NOP58: variants seen among roughly 807,000 people sequenced by gnomAD.
NOP58 encodes NOP58 ribonucleoprotein, also known as nucleolar protein 58.
NOP58 carries 44 observed loss-of-function variants against 71.2 expected under a neutral mutation model. The observed-to-expected ratio is 0.62, with a 90% CI of 0.49 to 0.79. The LOEUF (loss-of-function observed/expected upper bound fraction) is 0.79, where lower values mean the gene tolerates loss of function less well. NOP58 is among the 30% of genes least tolerant of loss of function. NOP58 has a pLI of 0.00. For synonymous variants in NOP58, 228 were observed against 200.3 expected, an observed-to-expected ratio of 1.14 and a Z score of -1.17; for missense variants, 538 against 620.2, an observed-to-expected ratio of 0.87 and a Z score of 1.41.
At chr2:202,292,743 G>T in intron 8 of NOP58, 34 bp from the exon 9 acceptor site, 1 of 1,566,344 alleles carries the variant, frequency 6.4e-7, no homozygotes, top group Non-Finnish European at 8.8e-7. Context: ...TTACTCATAT[G>T]ATATTTGTGA....
In NOP58 at chr2:202,283,149, C is replaced by T. The variant is rs147757938; in HGVS notation, c.297+677C>T. 6.9e-4 allele frequency among the ~76,000 whole-genome samples: 105 copies of T among 152,292 alleles called. 3 individuals are homozygous for T. The East Asian group carries it at 0.019, about 27-fold the overall frequency. Reference sequence around the variant, plus strand: ...TCTCACAGCTCACTGCAGACTTGACCTCCTGTTCTCAAGCAATCCTCCCTC... The same window carrying T: ...TCTCACAGCTCACTGCAGACTTGACTTCCTGTTCTCAAGCAATCCTCCCTC... On this transcript the variant is annotated intron_variant, in intron 4 of 14. Coordinates refer to ENST00000264279, the MANE Select transcript of NOP58 (RefSeq NM_015934.5).
rs34458926 is a variant in NOP58 at position 202,297,472 on chromosome 2, G to T, written c.1165G>T (p.Ala389Ser). The change falls in exon 11 of 15, where the codon GCC becomes TCC. Residue 389 changes from alanine to serine, a missense_variant. Coordinates refer to ENST00000264279, the MANE Select transcript of NOP58 (RefSeq NM_015934.5). ...SSSAMGVENR[A>S]KLEARLRTLE... ...TTCTGCAATGGGAGTTGAGAACAGA[G>T]CCAAATTAGAGGCCAGGTTGAGAAC... 282 of 1,613,894 alleles carry T rather than the reference G, an allele frequency of 1.7e-4. No individual in the cohort carries two copies. Among genetic ancestry groups the T allele is most frequent in the Non-Finnish European group, 2.3e-4 (276 of 1,179,930 alleles).
intron 9 of NOP58, 142 bp from the exon 10 acceptor site, chr2:202,295,532 G>A: frequency 1.6e-6 from 1 of 608,092 alleles, no homozygotes; most frequent in Non-Finnish European, 2.6e-6. Context: ...GATTTTTAGG[G>A]AATTCTGGAT....
intron 10 of NOP58, among the ~76,000 whole-genome samples, chr2:202,296,661 A>G (rs1410883052): frequency 1.3e-5 from 2 of 152,220 alleles, no homozygotes; most frequent in African/African-American, 4.8e-5. Flanking sequence ...GTGGAGGAAA[A>G]TAAAGCGTTC....
At position 202,271,003 on chromosome 2, in the gene NOP58, G is replaced by A. The variant is rs977704217; in HGVS notation, c.46-4110G>A. Among the ~76,000 whole-genome samples, 9 of 151,994 alleles carry A rather than the reference G, an allele frequency of 5.9e-5. No individual in the cohort carries two copies. In the South Asian group the frequency reaches 1.7e-3, roughly 28 times the overall value. ...CCCAGCTGAGGCAGGAGGATCGCTT[G>A]AACCAGGGAGGTGGAGGTTGCAGTG... On this transcript the variant is annotated intron_variant, in intron 1 of 14. Transcript: ENST00000264279.
Position 202,303,066 on chromosome 2 carries a change from G to GTTTT in NOP58, c.1539+11_1539+14dup. On this transcript the variant is annotated intron_variant, in intron 14 of 14. Coordinates refer to ENST00000264279, the MANE Select transcript of NOP58 (RefSeq NM_015934.5). Reference sequence around the variant, plus strand: ...CCAGCACAGCAATTGCTGTATGTTTGTTTTTAATTATCGGTTTTCACTTGG... The same window carrying GTTTT: ...CCAGCACAGCAATTGCTGTATGTTTGTTTTTTTTTAATTATCGGTTTTCACTTGG... The GTTTT allele has an allele frequency of 2.5e-6, 4 of 1,605,360 alleles. No homozygotes were observed. The highest frequency in any genetic ancestry group is 3.4e-6 in the Non-Finnish European group (4 of 1,178,110).
intron 1 of NOP58, among the ~76,000 whole-genome samples, chr2:202,272,608 GAA>G (rs1349238360): frequency 6.6e-6 from 1 of 152,154 alleles, no homozygotes; most frequent in Non-Finnish European, 1.5e-5. Context: ...TGTATATCAT[GAA>G]GTTTTAGAAT....
Position 202,295,692 on chromosome 2 carries a change from C to A in NOP58, c.926C>A (p.Ala309Asp). The A allele has an allele frequency of 1.3e-6, 2 of 1,576,126 alleles. No homozygotes were observed. Among genetic ancestry groups the A allele is most frequent in the Non-Finnish European group, 8.6e-7 (1 of 1,165,308 alleles). ...TTTGTAGGTTCTCTTTTAAATTTGGCCAAGCATGCAGCTTCTACCGTTCAG... is the reference window on the plus strand; with the variant it reads ...TTTGTAGGTTCTCTTTTAAATTTGGACAAGCATGCAGCTTCTACCGTTCAG... ...IAHAGSLLNL[A>D]KHAASTVQIL... The change falls in exon 10 of 15, where the codon GCC becomes GAC. Residue 309 changes from alanine (A) to aspartate (D), a missense_variant. Ala to Asp is a moderately radical substitution (Grantham distance 126). Coordinates refer to ENST00000264279, the MANE Select transcript of NOP58 (RefSeq NM_015934.5).
At chr2:202,266,915 C>G (rs1688426340) in intron 1 of NOP58, among the ~76,000 whole-genome samples, 1 of 152,152 alleles carries the variant, frequency 6.6e-6, no homozygotes, top group African/African-American at 2.4e-5. Context: ...CTTGCGTTGT[C>G]TATTAGACCT....
At chr2:202,288,924 G>T (rs931215534) in intron 6 of NOP58, among the ~76,000 whole-genome samples, 25 of 152,140 alleles carry the variant, frequency 1.6e-4, no homozygotes, top group African/African-American at 5.8e-4. Flanking sequence ...TTTGAGAGCA[G>T]CCTGGCTAAC....
At chr2:202,291,968 CTTTTTTTTTTTTTTTTTTTTTTTT>C (rs869075798) in intron 8 of NOP58, among the ~76,000 whole-genome samples, 3 of 43,948 alleles carry the variant, frequency 6.8e-5, no homozygotes, top group Admixed American at 2.9e-4. Flanking sequence ...TGCTCAGAAT[CTTTTTTTTTTTTTTTTTTTTTTTT>C]TTTTTTTTTT....
chr2:202,296,131 A>AG (rs1688989214), intron 10 of NOP58, among the ~76,000 whole-genome samples: 1 of 152,288 alleles, frequency 6.6e-6, no homozygotes, highest in South Asian at 2.1e-4. Flanking sequence ...AGCAAAAAAA[A>AG]AATCTAACAT....
At chr2:202,293,239 G>C in intron 9 of NOP58, 1 of 418,324 alleles carries the variant, frequency 2.4e-6, no homozygotes, top group South Asian at 1.8e-5. Flanking sequence ...ACTAGACCTA[G>C]ATTTGAATAC....
At chr2:202,270,799 A>G (rs1688500893) in intron 1 of NOP58, among the ~76,000 whole-genome samples, 1 of 152,126 alleles carries the variant, frequency 6.6e-6, no homozygotes, top group Non-Finnish European at 1.5e-5. Context: ...TTAAAAATGA[A>G]AATGAGGAGG....
rs1459498327 is a variant in NOP58, at chr2:202,303,077, T to C, written c.1539+20T>C. The C allele has an allele frequency of 1.2e-6, 2 of 1,604,508 alleles. No individual in the cohort carries two copies. Among genetic ancestry groups the C allele is most frequent in the Non-Finnish European group, 1.7e-6 (2 of 1,177,838 alleles). On this transcript the variant is annotated intron_variant, in intron 14 of 14. Coordinates refer to ENST00000264279, the MANE Select transcript of NOP58 (RefSeq NM_015934.5). The stretch of plus-strand genomic sequence containing the variant: ...ATTGCTGTATGTTTGTTTTTAATTA[T>C]CGGTTTTCACTTGGAGGGGCCAGTT...
chr2:202,303,661 A>G lies in NOP58; in HGVS notation c.*225A>G. 2.5e-6 allele frequency: 1 copy of G among 396,086 alleles called. No homozygotes were observed. Among genetic ancestry groups the G allele is most frequent in the Non-Finnish European group, 4.3e-6 (1 of 232,992 alleles). 24.5% of individuals were successfully genotyped at this position (396,086 alleles called of 1,614,324 possible). Reference sequence around the variant, plus strand: ...CAAATAAAATTTTCTTTGTATTTTAAGACAATTTTGTGATCTCTTTATATC... The same window carrying G: ...CAAATAAAATTTTCTTTGTATTTTAGGACAATTTTGTGATCTCTTTATATC... On this transcript the variant is annotated 3_prime_UTR_variant, in exon 15 of 15. Coordinates refer to ENST00000264279, the MANE Select transcript of NOP58 (RefSeq NM_015934.5).
intron 2 of NOP58, among the ~76,000 whole-genome samples, chr2:202,276,199 G>T (rs1559260368): frequency 6.6e-6 from 1 of 151,886 alleles, no homozygotes. Flanking sequence ...TTAGCCGGGC[G>T]TGGTGGCACA....
In NOP58 at chr2:202,278,153, G is replaced by A. The variant is rs1688637957; in HGVS notation, c.175+151G>A. ...ATTCTTATTGGAACTGAATTTAAGT[G>A]ATCTGACTCATTCGTCACTACCACT... On this transcript the variant is annotated intron_variant, in intron 3 of 14. Coordinates refer to ENST00000264279, the MANE Select transcript of NOP58 (RefSeq NM_015934.5). 4.1e-6 allele frequency: 3 copies of A among 739,860 alleles called. No individual in the cohort carries two copies. In the African/African-American group the frequency reaches 5.2e-5, roughly 13 times the overall value. 45.8% of individuals were successfully genotyped at this position (739,860 alleles called of 1,614,324 possible). A position where few individuals can be genotyped will look rare whatever the true frequency, so the allele number is the denominator to read the frequency against.
chr2:202,287,865 A>G, intron 6 of NOP58, 141 bp downstream of exon 6: 1 of 622,186 alleles, frequency 1.6e-6, no homozygotes, highest in Non-Finnish European at 2.8e-6. Flanking sequence ...TAATCCCAGC[A>G]CTTGGGAGGC....
Sources: allele counts gnomAD v4.1 joint callset (sites outside exome capture counted in the v4.1 genomes callset), GRCh38; gene constraint gnomAD v4.1.1; transcripts MANE v1.5; gene names NCBI Gene and HGNC (gene_info 2026-07-23, HGNC 2026-07-21).